Variants in CD163L1 observed in about 807,000 individuals in gnomAD.
CD163L1 encodes scavenger receptor cysteine-rich type 1 protein M160.
A neutral mutation model predicts 165.4 loss-of-function variants in CD163L1; 124 were observed. The ratio of observed to expected loss-of-function variants is 0.75; its 90% CI spans 0.65 to 0.87. The LOEUF (loss-of-function observed/expected upper bound fraction) is 0.87. CD163L1 is among the 40% of genes least tolerant of loss of function. The pLI, the probability that CD163L1 is intolerant of heterozygous loss-of-function variation, is 0.00. For missense variants in CD163L1, 1,525 were observed against 1,799.9 expected (o/e 0.85, Z 2.76); for synonymous variants, 585 against 662.2 (o/e 0.88, Z 1.79).
chr12:7,339,895 G>C, the CD163L1 span, among the ~76,000 whole-genome samples: 1 of 152,140 alleles, frequency 6.6e-6, no homozygotes, highest in Non-Finnish European at 1.5e-5. Context: ...TTTGTGATAG[G>C]ATAAGGGCAG....
At chr12:7,419,285 A>C (rs1270030334) in intron 4 of CD163L1, among the ~76,000 whole-genome samples, 1 of 152,142 alleles carries the variant, frequency 6.6e-6, no homozygotes, top group Non-Finnish European at 1.5e-5. Context: ...GATGCAGAAA[A>C]AGCATTTAAC....
intron 4 of CD163L1, among the ~76,000 whole-genome samples, chr12:7,407,594 T>C (rs757355563): frequency 6.6e-6 from 1 of 151,580 alleles, no homozygotes; most frequent in East Asian, 2.0e-4. Flanking sequence ...TCAATTTTAC[T>C]AAGTGATATA....
intron 9 of CD163L1, among the ~76,000 whole-genome samples, chr12:7,376,460 C>T (rs925355534): frequency 6.6e-6 from 1 of 152,164 alleles, no homozygotes; most frequent in Non-Finnish European, 1.5e-5. Context: ...CTATTCTTTG[C>T]AGCAAAGCTA....
At chr12:7,323,304 A>T in the CD163L1 span, 1 of 1,610,920 alleles carries the variant, frequency 6.2e-7, no homozygotes, top group Non-Finnish European at 8.5e-7. Flanking sequence ...ATGCTGCCCT[A>T]TGATGTCCAG....
downstream of CD163L1, among the ~76,000 whole-genome samples, chr12:7,350,050 G>T (rs1370849894): frequency 6.6e-6 from 1 of 152,182 alleles, no homozygotes; most frequent in Non-Finnish European, 1.5e-5. Flanking sequence ...GCTCCCAGAA[G>T]CAGAGTTTAT....
chr12:7,329,135 T>TATATAC, the CD163L1 span, among the ~76,000 whole-genome samples: 1 of 148,594 alleles, frequency 6.7e-6, no homozygotes, highest in African/African-American at 2.4e-5. Context: ...TATATACATC[T>TATATAC]ATATACATAT....
chr12:7,403,861 A>T lies in CD163L1; in HGVS notation c.1088-6T>A. On this transcript the variant is annotated splice_region_variant and splice_polypyrimidine_tract_variant and intron_variant, in intron 5 of 19. Coordinates refer to ENST00000313599, the MANE Select transcript of CD163L1 (RefSeq NM_174941.6). ...CAGTTCCAAATCTGCTCCATCTAGG[A>T]TGAAGTCACAGAGAAACGTCTGAAT... The T allele has an allele frequency of 6.2e-7, 1 of 1,610,340 alleles. No individual in the cohort carries two copies. The highest frequency in any genetic ancestry group is 8.5e-7 in the Non-Finnish European group (1 of 1,177,866).
At chr12:7,377,471 T>A (rs1947294049) in intron 9 of CD163L1, among the ~76,000 whole-genome samples, 1 of 152,210 alleles carries the variant, frequency 6.6e-6, no homozygotes, top group African/African-American at 2.4e-5. Flanking sequence ...AAGATTATAT[T>A]CCTTTTTAGT....
At chr12:7,345,355 A>C (rs1389593565), downstream of CD163L1, among the ~76,000 whole-genome samples, 1 of 152,178 alleles carries the variant, frequency 6.6e-6, no homozygotes, top group Non-Finnish European at 1.5e-5. Flanking sequence ...AAACTTCCAT[A>C]GATCCCTAGG....
the CD163L1 span, among the ~76,000 whole-genome samples, chr12:7,334,295 A>G: frequency 6.5e-3 from 984 of 152,370 alleles, 10 homozygotes; most frequent in African/African-American, 0.022. Flanking sequence ...ATCCACCATG[A>G]TCAAGTCGGC....
chr12:7,354,599 G>GC (rs1946738195), downstream of CD163L1, among the ~76,000 whole-genome samples: 1 of 152,094 alleles, frequency 6.6e-6, no homozygotes, highest in African/African-American at 2.4e-5. Flanking sequence ...CTGAGTTTGG[G>GC]CTGCTGTAAG....
chr12:7,440,432 C>G (rs1176661882), intron 2 of CD163L1, among the ~76,000 whole-genome samples: 1 of 151,612 alleles, frequency 6.6e-6, no homozygotes, highest in Non-Finnish European at 1.5e-5. Context: ...CGCGCCCAGC[C>G]CGGCCCTTGA....
At chr12:7,439,011 T>A in intron 2 of CD163L1, 1 of 1,605,558 alleles carries the variant, frequency 6.2e-7, no homozygotes, top group Non-Finnish European at 8.5e-7. Flanking sequence ...TTTTTCCTCC[T>A]GCCTCTGACA....
At chr12:7,409,585 A>G (rs776948944) in intron 4 of CD163L1, among the ~76,000 whole-genome samples, 1 of 152,318 alleles carries the variant, frequency 6.6e-6, no homozygotes, top group South Asian at 2.1e-4. Context: ...GAGCTCTATC[A>G]GTAATGCTCT....
chr12:7,434,411 G>GA (rs1168541131), intron 2 of CD163L1, among the ~76,000 whole-genome samples: 18 of 152,056 alleles, frequency 1.2e-4, no homozygotes, highest in African/African-American at 4.1e-4. Flanking sequence ...AATCCTAGGT[G>GA]AAAAAATCAA....
chr12:7,325,473 C>G, the CD163L1 span, among the ~76,000 whole-genome samples: 5 of 152,124 alleles, frequency 3.3e-5, no homozygotes, highest in Admixed American at 2.6e-4. Context: ...ATGGTGAAAC[C>G]CTGTCTCTAC....
the CD163L1 span, among the ~76,000 whole-genome samples, chr12:7,329,743 T>C: frequency 6.6e-6 from 1 of 152,166 alleles, no homozygotes; most frequent in Non-Finnish European, 1.5e-5. Flanking sequence ...TAAAAATAAA[T>C]AGTTGATAAA....
At chr12:7,355,904 T>C (rs931857311) in intron 19 of CD163L1, among the ~76,000 whole-genome samples, 1 of 152,180 alleles carries the variant, frequency 6.6e-6, no homozygotes, top group Non-Finnish European at 1.5e-5. Context: ...TCCAGAATTG[T>C]GAGAAAACAA....
chr12:7,438,831 A>G, intron 2 of CD163L1: 1 of 1,557,922 alleles, frequency 6.4e-7, no homozygotes, highest in Non-Finnish European at 8.8e-7. Context: ...CTCAACCTCC[A>G]GCCCTTTGGC....
Sources: allele counts gnomAD v4.1 joint callset (sites outside exome capture counted in the v4.1 genomes callset), GRCh38; gene constraint gnomAD v4.1.1; transcripts MANE v1.5; gene names NCBI Gene and HGNC (gene_info 2026-07-23, HGNC 2026-07-21).